PAK3: variants seen among roughly 807,000 people sequenced by gnomAD.
PAK3 encodes serine/threonine-protein kinase PAK 3.
A neutral mutation model predicts 41.0 loss-of-function variants in PAK3; 4 were observed. The ratio of observed to expected loss-of-function variants is 0.10; its 90% CI spans 0.05 to 0.22. The LOEUF (loss-of-function observed/expected upper bound fraction) is 0.22. Ranked by LOEUF, PAK3 falls within the 10% of genes least tolerant of loss-of-function variation. The pLI is 1.00. For missense variants in PAK3, 205 were observed against 409.9 expected (o/e 0.50, Z 4.32); for synonymous variants, 146 against 139.6 (o/e 1.05, Z -0.32).
At chrX:111,092,117 C>A (rs1349163646), upstream of PAK3, among the ~76,000 whole-genome samples, 1 of 111,918 alleles carries the variant, frequency 8.9e-6, no homozygotes, top group Non-Finnish European at 1.9e-5. Context: ...ATTGCTACAC[C>A]TGAATCATTG....
chrX:111,064,802 T>C (rs1400622493), intron 1 of PAK3, among the ~76,000 whole-genome samples: 2 of 112,426 alleles, frequency 1.8e-5, no homozygotes, highest in African/African-American at 6.5e-5. Flanking sequence ...TTCTTTTGGA[T>C]ATATACCCAG....
intron 1 of PAK3, among the ~76,000 whole-genome samples, chrX:110,989,438 G>T (rs1374478895): frequency 2.7e-5 from 3 of 111,929 alleles, no homozygotes; most frequent in Non-Finnish European, 5.6e-5. Context: ...TTTTAATGCT[G>T]CCAGATATTT....
Position 111,195,865 on chromosome X carries a change from G to A in PAK3, c.1134G>A (p.Leu378=). 1 of 1,184,544 alleles carries A rather than the reference G, an allele frequency of 8.4e-7. No homozygotes were observed. Among genetic ancestry groups the A allele is most frequent in the Non-Finnish European group, 1.1e-6 (1 of 871,192 alleles). The change falls in exon 15 of 18, where the codon CTG becomes CTA. Residue 378 remains leucine (L), a synonymous_variant. Transcript: ENST00000372007. ...CRECLQALDF[L]HSNQVIHRDI... is the part of the protein sequence containing the mutation. ...AGTGCCTGCAAGCTTTGGATTTCCT[G>A]CACTCAAACCAGGTGATCCATAGAG...
At chrX:111,027,891 G>A (rs1222935140) in intron 1 of PAK3, among the ~76,000 whole-genome samples, 1 of 108,907 alleles carries the variant, frequency 9.2e-6, no homozygotes, top group African/African-American at 3.3e-5. Context: ...AGCACAATTT[G>A]CAATTGCATA....
At chrX:111,075,590 T>C (rs756044612) in intron 1 of PAK3, among the ~76,000 whole-genome samples, 4 of 113,018 alleles carry the variant, frequency 3.5e-5, no homozygotes, top group Non-Finnish European at 7.5e-5. Flanking sequence ...AACAGCCTGC[T>C]GCAGTAGCAG....
chrX:111,221,197 T>A lies in PAK3; in HGVS notation c.*750T>A, dbSNP rs188912828. On this transcript the variant is annotated 3_prime_UTR_variant, in exon 18 of 18. Transcript: ENST00000372007. ...TGTTCAGGAAGGGCTTTCAAAAAAC[T>A]GTATATCTAAATAAAGCTCAAACGG... 76 of 112,225 alleles carry A rather than the reference T, an allele frequency of 6.8e-4. No individual in the cohort carries two copies. The highest frequency in any genetic ancestry group is 2.4e-3 in the African/African-American group (74 of 30,933). 9.2% of individuals were successfully genotyped at this position (112,225 alleles called of 1,213,427 possible).
chrX:111,093,999 A>G (rs2092949073), upstream of PAK3, among the ~76,000 whole-genome samples: 1 of 112,145 alleles, frequency 8.9e-6, no homozygotes, highest in Admixed American at 9.4e-5. Context: ...TTAACATTGA[A>G]TAAATTACAT....
chrX:111,068,104 C>T (rs953860942), intron 1 of PAK3, among the ~76,000 whole-genome samples: 2 of 110,517 alleles, frequency 1.8e-5, no homozygotes, highest in African/African-American at 6.6e-5. Context: ...TACCTTGGTA[C>T]CTATATTTGT....
At chrX:111,139,490 G>A (rs968442996) in intron 5 of PAK3, among the ~76,000 whole-genome samples, 15 of 111,761 alleles carry the variant, frequency 1.3e-4, no homozygotes, top group Non-Finnish European at 2.4e-4. Context: ...GCTTAGAGCC[G>A]CCTAAAGGAG....
intron 1 of PAK3, among the ~76,000 whole-genome samples, chrX:111,087,752 C>CA (rs762062209): frequency 5.8e-5 from 4 of 69,457 alleles, no homozygotes; most frequent in African/African-American, 2.3e-4. Flanking sequence ...ACAGGGACTG[C>CA]AAAAAAAAAA....
chrX:111,196,891 C>CT lies in PAK3; in HGVS notation c.1407+258dup, dbSNP rs758894145. The stretch of plus-strand genomic sequence containing the variant: ...TTTTTTTGGAGAAAGAATAACTACC[C>CT]TTTTTTTCTCTTTTTCTCATTTAAT... On this transcript the variant is annotated intron_variant, in intron 16 of 17. Coordinates refer to ENST00000372007, the MANE Select transcript of PAK3 (RefSeq NM_002578.5). 2.5e-3 allele frequency among the ~76,000 whole-genome samples: 244 copies of CT among 99,456 alleles called. 1 individual carries two copies. The highest frequency in any genetic ancestry group is 4.0e-3 in the Non-Finnish European group (199 of 50,183). 86.4% of individuals were successfully genotyped at this position (99,456 alleles called of 115,157 possible).
At chrX:110,957,445 C>G (rs1357288145) in intron 1 of PAK3, among the ~76,000 whole-genome samples, 1 of 112,047 alleles carries the variant, frequency 8.9e-6, no homozygotes, top group African/African-American at 3.2e-5. Flanking sequence ...CTGTAGGCCT[C>G]TGGTAGTAAA....
In PAK3 at chrX:111,175,690, G is replaced by A. The variant is rs142366453; in HGVS notation, c.830+2609G>A. On this transcript the variant is annotated intron_variant, in intron 11 of 17. Coordinates refer to ENST00000372007, the MANE Select transcript of PAK3 (RefSeq NM_002578.5). ...ATTTTAAAAGGAAAAAGTACAAGAT[G>A]GTTTCAGATACCTCCCAGATACTAG... 9.5e-3 allele frequency among the ~76,000 whole-genome samples: 1,062 copies of A among 111,338 alleles called. 5 individuals carry two copies. Among genetic ancestry groups the A allele is most frequent in the Middle Eastern group, 0.041 (9 of 219 alleles).
intron 1 of PAK3, among the ~76,000 whole-genome samples, chrX:110,990,356 G>C (rs1488015938): frequency 8.9e-6 from 1 of 112,102 alleles, no homozygotes; most frequent in Non-Finnish European, 1.9e-5. Flanking sequence ...TAATGATTAA[G>C]CACCTACTAT....
At chrX:111,079,669 T>A (rs1037544250) in intron 1 of PAK3, among the ~76,000 whole-genome samples, 11 of 112,421 alleles carry the variant, frequency 9.8e-5, no homozygotes, top group African/African-American at 3.6e-4. Context: ...TCTTACTGTT[T>A]AAGAAATACA....
intron 11 of PAK3, among the ~76,000 whole-genome samples, chrX:111,183,168 C>T (rs752554746): frequency 9.0e-6 from 1 of 111,571 alleles, no homozygotes; most frequent in East Asian, 2.8e-4. Flanking sequence ...CAACCTTAGG[C>T]AACCTACTTA....
At chrX:110,958,281 G>C (rs2090907233) in intron 1 of PAK3, among the ~76,000 whole-genome samples, 1 of 111,952 alleles carries the variant, frequency 8.9e-6, no homozygotes, top group African/African-American at 3.2e-5. Flanking sequence ...TTTATGCCAA[G>C]AGCAGATGGA....
At chrX:111,036,721 G>A (rs1034234205) in intron 1 of PAK3, among the ~76,000 whole-genome samples, 1 of 111,533 alleles carries the variant, frequency 9.0e-6, no homozygotes, top group Non-Finnish European at 1.9e-5. Context: ...TAGTAACCAC[G>A]CATGAGAGTG....
chrX:111,181,572 G>A (rs2094462225), intron 11 of PAK3, among the ~76,000 whole-genome samples: 1 of 111,387 alleles, frequency 9.0e-6, no homozygotes, highest in Non-Finnish European at 1.9e-5. Flanking sequence ...GCTACTCAGT[G>A]AGAAGCCCCT....
Sources: gnomAD v4.1 joint callset for allele counts (sites outside exome capture counted in the v4.1 genomes callset) on GRCh38, gnomAD v4.1.1 for gene constraint, MANE v1.5 for transcripts, NCBI Gene and HGNC (gene_info 2026-07-23, HGNC 2026-07-21) for gene names.